The following CD300E variants were observed in gnomAD, a reference collection of about 807,000 sequenced individuals.
CD300E encodes the protein CD300e molecule, also known as CMRF35-like molecule 2.
Under a neutral mutation model 20.9 loss-of-function variants are expected in CD300E, and 14 were observed. The ratio of observed to expected loss-of-function variants is 0.67; its 90% CI spans 0.44 to 1.05. CD300E has a LOEUF of 1.05. Among genes scored for constraint, CD300E ranks in the 50% least tolerant of loss-of-function variants. The pLI is 0.00. For missense variants in CD300E, 237 were observed against 253.9 expected (o/e 0.93, Z 0.45); for synonymous variants, 102 against 103.7 (o/e 0.98, Z 0.10).
At chr17:74,617,053 C>T (rs2143363110) in intron 2 of CD300E, 65 bp downstream of exon 2, 1 of 1,394,824 alleles carries the variant, frequency 7.2e-7, no homozygotes, top group East Asian at 2.3e-5. Flanking sequence ...CAGTGTGCCG[C>T]CCACCCTTGT....
rs1053400891 is a variant in CD300E at position 74,612,543 on chromosome 17, A to G, written c.*110T>C. ...GACCCTCCTTTGAGGCACAGGAACAATAAATCCCTCCAGAGTCCACAGGTC... is the reference window on the plus strand; with the variant it reads ...GACCCTCCTTTGAGGCACAGGAACAGTAAATCCCTCCAGAGTCCACAGGTC... On this transcript the variant is annotated 3_prime_UTR_variant, in exon 4 of 4. Transcript: ENST00000392619. 9.4e-5 allele frequency: 136 copies of G among 1,447,390 alleles called. No individual in the cohort carries two copies. The highest frequency in any genetic ancestry group is 1.4e-4 in the Admixed American group (7 of 49,590). The allele number at this position is 1,447,390 out of a possible 1,614,324, so 89.7% of individuals were successfully genotyped here.
At chr17:74,616,991 T>C in intron 2 of CD300E, 127 bp downstream of exon 2, 1 of 811,140 alleles carries the variant, frequency 1.2e-6, no homozygotes, top group South Asian at 1.7e-5. Flanking sequence ...TGCCATAGGC[T>C]CCTCCCAACA....
At chr17:74,618,285 A>C (rs1247764917) in intron 1 of CD300E, among the ~76,000 whole-genome samples, 1 of 152,218 alleles carries the variant, frequency 6.6e-6, no homozygotes, top group Non-Finnish European at 1.5e-5. Flanking sequence ...TATCTTAAGC[A>C]AGTGCTGAAA....
intron 1 of CD300E, chr17:74,619,409 T>A (rs2030972873): frequency 4.5e-6 from 1 of 222,324 alleles, no homozygotes; most frequent in Non-Finnish European, 9.2e-6. Flanking sequence ...AGATAGGAAG[T>A]CAGACTCAAG....
At position 74,612,436 on chromosome 17, in the gene CD300E, G is replaced by A. The variant is rs775229440; in HGVS notation, c.*217C>T. The stretch of plus-strand genomic sequence containing the variant: ...CCTTGGGAAGTGGGCATGAGGGCAG[G>A]GAGGCAGGGGACTGGGGAGGAGAAA... On this transcript the variant is annotated 3_prime_UTR_variant, in exon 4 of 4. Coordinates refer to ENST00000392619, the MANE Select transcript of CD300E (RefSeq NM_181449.3). The A allele has an allele frequency of 2.2e-6, 1 of 450,876 alleles. No individual in the cohort carries two copies. Among genetic ancestry groups the A allele is most frequent in the Non-Finnish European group, 3.9e-6 (1 of 259,082 alleles). 27.9% of individuals were successfully genotyped at this position (450,876 alleles called of 1,614,324 possible).
rs767663532 is a variant in CD300E at position 74,623,615 on chromosome 17, G to A, written c.7C>T (p.Leu3=). Residue 3 remains leucine, a synonymous_variant, in exon 1 of 4, where the codon CTG becomes TTG. Transcript: ENST00000392619. ...CAGAGAAGGAGTAGAGCTGGGAGCAGCCACATGTTCCTGTCTCCTTGGCTT... is the reference window on the plus strand; with the variant it reads ...CAGAGAAGGAGTAGAGCTGGGAGCAACCACATGTTCCTGTCTCCTTGGCTT... The part of the protein sequence containing the change: MW[L]LPALLLLCLS... The A allele has an allele frequency of 6.2e-6, 10 of 1,614,182 alleles. No homozygotes were observed. In the Middle Eastern group the frequency reaches 1.3e-3, roughly 213 times the overall value.
At chr17:74,618,035 C>A (rs2030945271) in intron 1 of CD300E, among the ~76,000 whole-genome samples, 2 of 152,134 alleles carry the variant, frequency 1.3e-5, no homozygotes, top group Non-Finnish European at 2.9e-5. Context: ...ACAAGATGAC[C>A]CCCCCGACAA....
At position 74,612,638 on chromosome 17, in the gene CD300E, C is replaced by T. The variant is rs202028310; in HGVS notation, c.*15G>A. 18 of 1,612,306 alleles carry T rather than the reference C, an allele frequency of 1.1e-5. No homozygotes were observed. The highest frequency in any genetic ancestry group is 1.7e-4 in the Middle Eastern group (1 of 6,046). ...CTGGGGATGGGGCTCTGCAGGGCTT[C>T]GGGTCAGCCTGGCTCTATCTTCCAG... On this transcript the variant is annotated 3_prime_UTR_variant, in exon 4 of 4. Transcript: ENST00000392619.
In CD300E at chr17:74,612,489, A is replaced by C. The variant is rs2030805358; in HGVS notation, c.*164T>G. ...AGGACCCCCAAGCTGCACATTGAGG[A>C]CTCCAGAGGAGTGTCCTCTAAGAGC... On this transcript the variant is annotated 3_prime_UTR_variant, in exon 4 of 4. Coordinates refer to ENST00000392619, the MANE Select transcript of CD300E (RefSeq NM_181449.3). 2.4e-6 allele frequency: 2 copies of C among 846,292 alleles called. No homozygotes were observed. The highest frequency in any genetic ancestry group is 3.8e-5 in the South Asian group (2 of 52,494). The allele number at this position is 846,292 out of a possible 1,614,324, so 52.4% of individuals were successfully genotyped here. A position where few individuals can be genotyped will look rare whatever the true frequency, so the allele number is the denominator to read the frequency against.
chr17:74,622,372 G>A (rs2031040779), intron 1 of CD300E, among the ~76,000 whole-genome samples: 1 of 151,992 alleles, frequency 6.6e-6, no homozygotes, highest in Non-Finnish European at 1.5e-5. Context: ...GCTTTGGGAG[G>A]TCAAGAGAGG....
intron 1 of CD300E, among the ~76,000 whole-genome samples, chr17:74,619,893 G>A (rs991951679): frequency 6.6e-6 from 1 of 152,160 alleles, no homozygotes; most frequent in Non-Finnish European, 1.5e-5. Context: ...GTGCTATTGG[G>A]AACCCCAAAC....
At chr17:74,614,593 C>A (rs1001527671) in intron 2 of CD300E, among the ~76,000 whole-genome samples, 3 of 151,892 alleles carry the variant, frequency 2.0e-5, no homozygotes, top group African/African-American at 7.3e-5. Context: ...AGCGATTCTC[C>A]TGCCTCAGCC....
At chr17:74,619,102 C>T (rs764162215) in intron 1 of CD300E, 40 of 471,318 alleles carry the variant, frequency 8.5e-5, no homozygotes, top group South Asian at 2.2e-4. Flanking sequence ...CTCACCTCCT[C>T]CCTTCCACCT....
chr17:74,617,112 TCTTAC>T lies in CD300E; in HGVS notation c.388+1_388+5del. 1.2e-6 allele frequency: 2 copies of T among 1,612,706 alleles called. No homozygotes were observed. Among genetic ancestry groups the T allele is most frequent in the Non-Finnish European group, 1.7e-6 (2 of 1,178,768 alleles). Reference sequence around the variant, plus strand: ...ACCCTGCTGCCAAAGTGAGGGGAGCTCTTACCTGGGGAAACATACACCCTAACCAG... The same window carrying T: ...ACCCTGCTGCCAAAGTGAGGGGAGCTCTGGGGAAACATACACCCTAACCAG... On this transcript the variant is annotated splice_donor_variant and splice_donor_5th_base_variant and intron_variant, in intron 2 of 3. Transcript: ENST00000392619. LOFTEE classifies it high-confidence loss of function.
At chr17:74,616,943 C>A (rs2143362878) in intron 2 of CD300E, among the ~76,000 whole-genome samples, 175 bp downstream of exon 2, 1 of 152,262 alleles carries the variant, frequency 6.6e-6, no homozygotes, top group Admixed American at 6.5e-5. Flanking sequence ...CCCCAGCCCA[C>A]CCAAGGCTGA....
At chr17:74,619,173 A>G in intron 1 of CD300E, 1 of 470,224 alleles carries the variant, frequency 2.1e-6, no homozygotes, top group South Asian at 1.6e-5. Context: ...GGTTCTGGAC[A>G]GAGCTCAGGA....
Position 74,613,944 on chromosome 17 carries a change from C to A in CD300E, c.478G>T (p.Val160Leu). 6.2e-7 allele frequency: 1 copy of A among 1,613,622 alleles called. No homozygotes were observed. The highest frequency in any genetic ancestry group is 8.5e-7 in the Non-Finnish European group (1 of 1,179,760). Reference sequence around the variant, plus strand: ...GCTTACCCTGAATTTTGGGTCAACACCTCCCCGGTGCTGAGGTTTCGCCCA... The same window carrying A: ...GCTTACCCTGAATTTTGGGTCAACAACTCCCCGGTGCTGAGGTTTCGCCCA... ...NPGRNLSTGEVLTQNSGFRLS... is the reference protein window; with the variant it reads ...NPGRNLSTGELLTQNSGFRLS... The change falls in exon 3 of 4, where the codon GTG becomes TTG. Residue 160 changes from valine (V) to leucine (L), a missense_variant. Coordinates refer to ENST00000392619, the MANE Select transcript of CD300E (RefSeq NM_181449.3).
intron 1 of CD300E, among the ~76,000 whole-genome samples, chr17:74,621,607 A>T (rs1181547955): frequency 1.3e-5 from 2 of 152,200 alleles, no homozygotes; most frequent in Non-Finnish European, 2.9e-5. Flanking sequence ...GCTTGAGGTT[A>T]ATGGGAGCTA....
At chr17:74,614,826 T>C (rs111698640) in intron 2 of CD300E, among the ~76,000 whole-genome samples, 2 of 152,042 alleles carry the variant, frequency 1.3e-5, no homozygotes, top group African/African-American at 4.8e-5. Flanking sequence ...AGGGGATAGG[T>C]TGACACTCGG....
Sources: gnomAD v4.1 joint callset for allele counts (sites outside exome capture counted in the v4.1 genomes callset) on GRCh38, gnomAD v4.1.1 for gene constraint, MANE v1.5 for transcripts, NCBI Gene and HGNC (gene_info 2026-07-23, HGNC 2026-07-21) for gene names.